CEP164: variants seen among roughly 807,000 people sequenced by gnomAD.
The protein encoded by CEP164 is centrosomal protein 164, also known as centrosomal protein of 164 kDa.
A neutral mutation model predicts 182.7 loss-of-function variants in CEP164; 162 were observed. The observed-to-expected ratio is 0.89, with a 90% CI of 0.78 to 1.01. CEP164 has a LOEUF of 1.01. Ranked by LOEUF, CEP164 falls within the 50% of genes least tolerant of loss-of-function variation. The pLI, the probability that CEP164 is intolerant of heterozygous loss-of-function variation, is 0.00. For synonymous variants in CEP164, 661 were observed against 690.0 expected (o/e 0.96, Z 0.66); for missense variants, 1,735 against 1,790.4 (o/e 0.97, Z 0.56).
chr11:117,377,960 A>T (rs1345202855), intron 11 of CEP164, among the ~76,000 whole-genome samples: 1 of 151,938 alleles, frequency 6.6e-6, no homozygotes, highest in Non-Finnish European at 1.5e-5. Flanking sequence ...CCTGGGTTCA[A>T]GCGATTCTCC....
intron 1 of CEP164, among the ~76,000 whole-genome samples, chr11:117,330,932 G>C (rs2036103172): frequency 6.6e-6 from 1 of 152,236 alleles, no homozygotes; most frequent in African/African-American, 2.4e-5. Context: ...GTAAGAGGCA[G>C]AGCTGGGATT....
intron 15 of CEP164, 56 bp downstream of exon 15, chr11:117,387,468 C>G: frequency 6.4e-7 from 1 of 1,553,180 alleles, no homozygotes; most frequent in East Asian, 2.3e-5. Context: ...TGTGAGGAGC[C>G]AGGGACACCC....
chr11:117,394,521 A>T lies in CEP164; in HGVS notation c.2760+28A>T. ...GAGGGGCCTGGGGCAGGGTGAGCCC[A>T]CTGTGACCCCTCCATGCACAGTAGG... On this transcript the variant is annotated intron_variant, in intron 21 of 32. Transcript: ENST00000278935. This position sits in a 1 kb window ranked among gnomAD's most constrained non-coding sequence, Gnocchi z 4.0. 6.2e-7 allele frequency: 1 copy of T among 1,611,292 alleles called. No individual in the cohort carries two copies. The highest frequency in any genetic ancestry group is 8.5e-7 in the Non-Finnish European group (1 of 1,179,290).
chr11:117,364,417 C>A (rs191125836), intron 8 of CEP164, among the ~76,000 whole-genome samples: 15 of 152,306 alleles, frequency 9.8e-5, no homozygotes, highest in Admixed American at 7.8e-4. Flanking sequence ...CTTATTATTT[C>A]TGACTTGTTT....
At chr11:117,389,940 T>C (rs1453938683) in intron 15 of CEP164, among the ~76,000 whole-genome samples, 2 of 34,688 alleles carry the variant, frequency 5.8e-5, no homozygotes, top group South Asian at 6.7e-4. Flanking sequence ...GTAGTTTGCT[T>C]TTTTTTTTTT....
chr11:117,391,106 T>C lies in CEP164; in HGVS notation c.2174T>C (p.Leu725Pro). The C allele has an allele frequency of 6.2e-7, 1 of 1,613,880 alleles. No homozygotes were observed. Among genetic ancestry groups the C allele is most frequent in the Non-Finnish European group, 8.5e-7 (1 of 1,179,966 alleles). The change falls in exon 17 of 33, where the codon CTC becomes CCC. Residue 725 changes from leucine (L) to proline (P), a missense_variant. Coordinates refer to ENST00000278935, the MANE Select transcript of CEP164 (RefSeq NM_014956.5). ...AAAAATAGGCAAATGCTGGAGCAGC[T>C]CAAGGAAGAGATAGAGGCTTCGGAG... ...EQKNRQMLEQLKEEIEASEKS... is the reference protein window; with the variant it reads ...EQKNRQMLEQPKEEIEASEKS...
intron 26 of CEP164, 86 bp downstream of exon 26, chr11:117,396,697 G>C (rs2045516245): frequency 9.5e-7 from 1 of 1,054,824 alleles, no homozygotes; most frequent in South Asian, 1.3e-5. Context: ...GGGGTGAGCT[G>C]AAGTGAGGAG....
At chr11:117,359,355 G>A (rs1341853390) in intron 5 of CEP164, 7 of 896,828 alleles carry the variant, frequency 7.8e-6, no homozygotes, top group African/African-American at 3.6e-5. Flanking sequence ...TGTACGGAAG[G>A]TGTTTAGCCA....
Position 117,396,157 on chromosome 11 carries a change from G to T in CEP164, c.3193G>T (p.Asp1065Tyr). 1 of 1,436,168 alleles carries T rather than the reference G, an allele frequency of 7.0e-7. No homozygotes were observed. The highest frequency in any genetic ancestry group is 1.1e-5 in the South Asian group (1 of 88,448). 89.0% of individuals were successfully genotyped at this position (1,436,168 alleles called of 1,614,324 possible). Residue 1065 changes from aspartate to tyrosine, a missense_variant, in exon 25 of 33, where the codon GAC (aspartate) becomes TAC (tyrosine). Coordinates refer to ENST00000278935, the MANE Select transcript of CEP164 (RefSeq NM_014956.5). ...TTTTGAGCCAGATCTCCATATTGAG[G>T]ACCTGAGGAAATCCCTTGGAACAGT... ...PHFEPDLHIE[D>Y]LRKSLGTNQT...
rs1202556785 is a variant in CEP164, at chr11:117,386,073, G to A, written c.1725-1130G>A. ...CACAGCAGGGAGGACCAGCTCCCCT[G>A]TTTGACTCTTGCCCAGCCCTCTTTG... On this transcript the variant is annotated intron_variant, in intron 14 of 32. Coordinates refer to ENST00000278935, the MANE Select transcript of CEP164 (RefSeq NM_014956.5). The A allele has an allele frequency of 4.6e-5, 7 of 152,216 alleles. No homozygotes were observed. The South Asian group carries it at 1.5e-3, about 32-fold the overall frequency. 9.4% of individuals were successfully genotyped at this position (152,216 alleles called of 1,614,324 possible).
At chr11:117,324,941 G>A (rs2035375533), upstream of CEP164, among the ~76,000 whole-genome samples, 1 of 152,146 alleles carries the variant, frequency 6.6e-6, no homozygotes. Flanking sequence ...TGCAAAGATT[G>A]CAAATTCTTA....
At chr11:117,356,347 A>G in intron 5 of CEP164, 1 of 1,164,850 alleles carries the variant, frequency 8.6e-7, no homozygotes, top group Non-Finnish European at 1.1e-6. Flanking sequence ...GCGCCAGCAC[A>G]GTCTGTTGCA....
chr11:117,354,003 C>CCTTCTTCTT (rs142197131), intron 5 of CEP164, among the ~76,000 whole-genome samples: 1 of 119,560 alleles, frequency 8.4e-6, no homozygotes, highest in Non-Finnish European at 1.8e-5. Context: ...TTCTTCTTCT[C>CCTTCTTCTT]CTTCTTCTTC....
chr11:117,356,195 C>T, intron 5 of CEP164: 5 of 1,068,644 alleles, frequency 4.7e-6, no homozygotes, highest in Non-Finnish European at 5.7e-6. Context: ...CATGCAGAGC[C>T]CTGACGAGGA....
At chr11:117,332,732 T>A (rs1324839734) in intron 1 of CEP164, among the ~76,000 whole-genome samples, 1 of 152,112 alleles carries the variant, frequency 6.6e-6, no homozygotes, top group East Asian at 1.9e-4. Flanking sequence ...AGCCACTCCT[T>A]TTTTGCCTGA....
chr11:117,326,256 C>T (rs371767560), upstream of CEP164, among the ~76,000 whole-genome samples: 1 of 151,112 alleles, frequency 6.6e-6, no homozygotes, highest in Admixed American at 6.6e-5. Context: ...CGGAGTCTTG[C>T]TCTGTCACCC....
intron 1 of CEP164, among the ~76,000 whole-genome samples, chr11:117,332,277 T>TA (rs568149045): frequency 3.9e-5 from 6 of 151,922 alleles, no homozygotes; most frequent in African/African-American, 1.4e-4. Flanking sequence ...CACATTTTCA[T>TA]AAAAAAAGTA....
At chr11:117,405,849 A>G (rs1445545587) in intron 27 of CEP164, among the ~76,000 whole-genome samples, 5 of 152,204 alleles carry the variant, frequency 3.3e-5, no homozygotes. Context: ...AAACATAACA[A>G]GAGTCACCTT....
chr11:117,356,810 C>G (rs563232014), intron 5 of CEP164, among the ~76,000 whole-genome samples: 26 of 152,320 alleles, frequency 1.7e-4, no homozygotes, highest in African/African-American at 6.0e-4. Context: ...TACTCCATCA[C>G]CTGCAAGATA....
Sources: allele counts gnomAD v4.1 joint callset (sites outside exome capture counted in the v4.1 genomes callset), GRCh38; gene constraint gnomAD v4.1.1; non-coding constraint Gnocchi (gnomAD v3.1); transcripts MANE v1.5; gene names NCBI Gene and HGNC (gene_info 2026-07-23, HGNC 2026-07-21).